ADGRV1: variants seen among roughly 807,000 people sequenced by gnomAD.
ADGRV1 encodes the protein adhesion G protein-coupled receptor V1, also known as G-protein coupled receptor 98.
A neutral mutation model predicts 596.2 loss-of-function variants in ADGRV1; 359 were observed. The observed-to-expected ratio is 0.60, with a 90% CI of 0.55 to 0.66. ADGRV1 has a LOEUF of 0.66. Among genes scored for constraint, ADGRV1 ranks in the 30% least tolerant of loss-of-function variants. The probability of loss-of-function intolerance (pLI) is 0.00; values close to 1 mark genes in which losing one functional copy is unlikely to be tolerated. For missense variants in ADGRV1, 7,274 were observed against 7,575.6 expected, an observed-to-expected ratio of 0.96 and a Z score of 1.48; for synonymous variants, 2,681 against 2,679.2, an observed-to-expected ratio of 1.00 and a Z score of -0.02.
chr5:91,087,609 C>T (rs925438622), intron 86 of ADGRV1, among the ~76,000 whole-genome samples: 3 of 152,156 alleles, frequency 2.0e-5, no homozygotes, highest in Non-Finnish European at 4.4e-5. Context: ...TGTAATTCAA[C>T]ATTTTATCTA....
chr5:91,037,349 T>TC (rs1784994993), intron 85 of ADGRV1, among the ~76,000 whole-genome samples: 1 of 152,090 alleles, frequency 6.6e-6, no homozygotes, highest in Non-Finnish European at 1.5e-5. Flanking sequence ...TCATATATTC[T>TC]TAAAAAAAAA....
chr5:91,130,367 A>G (rs1265011569), intron 87 of ADGRV1, among the ~76,000 whole-genome samples: 2 of 151,766 alleles, frequency 1.3e-5, no homozygotes, highest in Non-Finnish European at 2.9e-5. Context: ...CCCTGTCTCT[A>G]CTAAAAATAT....
intron 83 of ADGRV1, among the ~76,000 whole-genome samples, chr5:90,922,716 G>A (rs937790090): frequency 6.6e-6 from 1 of 152,176 alleles, no homozygotes; most frequent in Admixed American, 6.5e-5. Context: ...AGCCTCACTT[G>A]GAAGTTTGTT....
chr5:91,052,841 TA>T (rs1259565697), intron 85 of ADGRV1, among the ~76,000 whole-genome samples: 3 of 152,134 alleles, frequency 2.0e-5, no homozygotes, highest in African/African-American at 7.2e-5. Flanking sequence ...AAATTTAGAT[TA>T]AAAAAGTCAG....
intron 1 of ADGRV1, among the ~76,000 whole-genome samples, chr5:90,603,459 T>C (rs1761671747): frequency 1.3e-5 from 2 of 152,112 alleles, no homozygotes; most frequent in Admixed American, 6.5e-5. Flanking sequence ...CTCTTGACCA[T>C]GTGGAGATTG....
intron 85 of ADGRV1, among the ~76,000 whole-genome samples, chr5:91,059,932 A>G (rs1362639254): frequency 6.6e-6 from 1 of 152,124 alleles, no homozygotes; most frequent in African/African-American, 2.4e-5. Context: ...GCAACAATCC[A>G]ATATGAGCAT....
intron 15 of ADGRV1, 129 bp from the exon 16 acceptor site, chr5:90,645,839 C>A: frequency 1.6e-6 from 1 of 634,666 alleles, no homozygotes; most frequent in Non-Finnish European, 2.3e-6. Context: ...GGAAGTTCTG[C>A]CTCCGAAAAG....
rs535502220 is a variant in ADGRV1, at chr5:90,959,153, G to A, written c.17857-6262G>A. On this transcript the variant is annotated intron_variant, in intron 83 of 89. Transcript: ENST00000405460. ...TAATGTGATTCTGTAACTTTACAGG[G>A]TACAAGATCAATATATAAAAATAAA... is the stretch of plus-strand genomic sequence containing the variant. 3.3e-5 allele frequency among the ~76,000 whole-genome samples: 5 copies of A among 152,150 alleles called. No individual in the cohort carries two copies. The South Asian group carries it at 1.0e-3, about 32-fold the overall frequency.
At position 90,689,926 on chromosome 5, in the gene ADGRV1, C is replaced by G. The variant is rs1357549892; in HGVS notation, c.6556C>G (p.Pro2186Ala). The change falls in exon 30 of 90, where the codon CCA becomes GCA. Residue 2186 changes from proline (P) to alanine (A), a missense_variant. By Grantham distance (27) the Pro-to-Ala change is conservative (BLOSUM62 -1). Around this residue, in one of 5 missense-constraint regions of ADGRV1, gnomAD observed 3,643 missense variants for 3,809.2 expected, o/e 0.96. Coordinates refer to ENST00000405460, the MANE Select transcript of ADGRV1 (RefSeq NM_032119.4). ...LLEGETSKAVPIYVINDIYPE... is the reference protein window; with the variant it reads ...LLEGETSKAVAIYVINDIYPE... ...AGAAGGGGAAACCAGTAAAGCCGTG[C>G]CAATATATGTCATTAATGATATCTA... The G allele has an allele frequency of 1.9e-6, 3 of 1,613,026 alleles. No homozygotes were observed. Among genetic ancestry groups the G allele is most frequent in the Non-Finnish European group, 2.5e-6 (3 of 1,179,404 alleles).
chr5:90,756,645 CATTT>C lies in ADGRV1; in HGVS notation c.11757+16_11757+19del. The C allele has an allele frequency of 6.2e-7, 1 of 1,605,630 alleles. No homozygotes were observed. The highest frequency in any genetic ancestry group is 8.5e-7 in the Non-Finnish European group (1 of 1,173,376). On this transcript the variant is annotated intron_variant, in intron 56 of 89. Transcript: ENST00000405460. ...ATGTTACTAGAGTGAGATGAACTTT[CATTT>C]GTTTACAGTCATACAGAGGCCTCTC...
chr5:91,093,923 C>T (rs1285913912), intron 86 of ADGRV1, among the ~76,000 whole-genome samples: 1 of 149,752 alleles, frequency 6.7e-6, no homozygotes, highest in Non-Finnish European at 1.5e-5. Context: ...GCGATCTCTG[C>T]TCACTGCAAC....
intron 83 of ADGRV1, among the ~76,000 whole-genome samples, chr5:90,882,220 AAGAC>A (rs1459642282): frequency 6.6e-6 from 1 of 152,198 alleles, no homozygotes; most frequent in Non-Finnish European, 1.5e-5. Context: ...ATTATTTTAA[AAGAC>A]AGACTTTTTG....
At chr5:91,091,558 G>A (rs1413825155) in intron 86 of ADGRV1, 2 of 151,920 alleles carry the variant, frequency 1.3e-5, no homozygotes, top group African/African-American at 4.8e-5. Flanking sequence ...TCACATTCTA[G>A]GAGAGTATTA....
At chr5:90,749,662 T>C (rs1755025360) in intron 52 of ADGRV1, among the ~76,000 whole-genome samples, 1 of 152,210 alleles carries the variant, frequency 6.6e-6, no homozygotes, top group Non-Finnish European at 1.5e-5. Context: ...ATCTTTACAC[T>C]CCATATTCTT....
At chr5:90,695,459 A>G (rs1747062224) in intron 33 of ADGRV1, among the ~76,000 whole-genome samples, 1 of 151,908 alleles carries the variant, frequency 6.6e-6, no homozygotes, top group Non-Finnish European at 1.5e-5. Flanking sequence ...TCATTTGGGC[A>G]GTTATATATT....
intron 1 of ADGRV1, among the ~76,000 whole-genome samples, chr5:90,600,912 A>T (rs1761321799): frequency 6.6e-6 from 1 of 152,250 alleles, no homozygotes; most frequent in Non-Finnish European, 1.5e-5. Context: ...TGCATTAAAA[A>T]AACATTCAAA....
intron 84 of ADGRV1, among the ~76,000 whole-genome samples, chr5:90,968,445 A>G (rs2150979730): frequency 6.6e-6 from 1 of 152,374 alleles, no homozygotes; most frequent in Non-Finnish European, 1.5e-5. Flanking sequence ...TTAGGTAAAT[A>G]TGATTGTGCC....
chr5:90,733,904 T>C (rs1418857010), intron 50 of ADGRV1, among the ~76,000 whole-genome samples: 2 of 152,272 alleles, frequency 1.3e-5, no homozygotes, highest in Admixed American at 1.3e-4. Context: ...ATTTTGTACC[T>C]TTTGACCACC....
intron 1 of ADGRV1, among the ~76,000 whole-genome samples, chr5:90,596,024 C>T (rs1274661396): frequency 1.3e-5 from 2 of 150,256 alleles, no homozygotes; most frequent in African/African-American, 2.5e-5. Context: ...AGGCTCCTCA[C>T]TTCTCATACG....
Sources: allele counts gnomAD v4.1 joint callset (sites outside exome capture counted in the v4.1 genomes callset), GRCh38; gene constraint gnomAD v4.1.1; regional missense constraint gnomAD v4.1.1; transcripts MANE v1.5; gene names NCBI Gene and HGNC (gene_info 2026-07-23, HGNC 2026-07-21).